Variants in DBNDD2 observed in about 807,000 individuals in gnomAD.
DBNDD2 encodes the protein dysbindin domain containing 2.
DBNDD2 carries 8 observed loss-of-function variants against 14.0 expected under a neutral mutation model. The ratio of observed to expected loss-of-function variants is 0.57; its 90% CI spans 0.33 to 1.03. The LOEUF (loss-of-function observed/expected upper bound fraction) is 1.03, where lower values mean the gene tolerates loss of function less well. Ranked by LOEUF, DBNDD2 falls within the 50% of genes least tolerant of loss-of-function variation. The probability of loss-of-function intolerance (pLI) is 0.03; values close to 1 mark genes in which losing one functional copy is unlikely to be tolerated. For missense variants in DBNDD2, 194 were observed against 206.0 expected, an observed-to-expected ratio of 0.94 and a Z score of 0.36; for synonymous variants, 94 against 85.3, an observed-to-expected ratio of 1.10 and a Z score of -0.56.
chr20:45,407,341 G>A (rs1301469987), upstream of DBNDD2: 7 of 985,752 alleles, frequency 7.1e-6, no homozygotes, highest in Non-Finnish European at 8.4e-6. Context: ...AGTCGGGGTT[G>A]GGTCCCTCTC....
rs753562292 is a variant in DBNDD2, at chr20:45,410,081, C to A, written c.427C>A (p.Gln143Lys). 1.4e-5 allele frequency: 22 copies of A among 1,554,652 alleles called. No homozygotes were observed. In the South Asian group the frequency reaches 1.9e-4, roughly 13 times the overall value. The change falls in exon 3 of 3, where the codon CAG becomes AAG. Residue 143 changes from glutamine (Q) to lysine (K), a missense_variant. Transcript: ENST00000372710. ...TGATGGAGCAGATACGCCCTTGGCACAGTCGGATGAAGAGGAGGAAAGGGG... is the reference window on the plus strand; with the variant it reads ...TGATGGAGCAGATACGCCCTTGGCAAAGTCGGATGAAGAGGAGGAAAGGGG... ...SDDGADTPLA[Q>K]SDEEEERGDG...
rs188002910 is a variant in DBNDD2, at chr20:45,408,498, C to T, written c.31C>T (p.Arg11Cys). The change falls in exon 1 of 3, where the codon CGC (arginine) becomes TGC (cysteine). Residue 11 changes from arginine to cysteine, a missense_variant. By Grantham distance (180) the Arg-to-Cys change is radical. Coordinates refer to ENST00000372710, the MANE Select transcript of DBNDD2 (RefSeq NM_001048225.4). MDPNPRAALE[R>C]QQLRLRERQK... ...CCCAAATCCTCGGGCCGCCCTGGAGCGCCAGCAGCTCCGCCTTCGGGAGCG... is the reference window on the plus strand; with the variant it reads ...CCCAAATCCTCGGGCCGCCCTGGAGTGCCAGCAGCTCCGCCTTCGGGAGCG... The T allele has an allele frequency of 1.2e-4, 189 of 1,614,260 alleles. 2 individuals are homozygous for T. In the Middle Eastern group the frequency reaches 1.3e-3, roughly 11 times the overall value.
Position 45,408,933 on chromosome 20 carries a change from C to A in DBNDD2, c.272C>A (p.Ser91Ter). 1 of 1,614,200 alleles carries A rather than the reference C, an allele frequency of 6.2e-7. No homozygotes were observed. Among genetic ancestry groups the A allele is most frequent in the Non-Finnish European group, 8.5e-7 (1 of 1,180,046 alleles). The change falls in exon 2 of 3, where the codon TCG (serine) becomes TAG (stop). Residue 91 changes from serine to a stop codon, truncating the protein, a stop_gained. Transcript: ENST00000372710. LOFTEE classifies it high-confidence loss of function. ...GAAGATCCTCCACCAACCCCCCAGT[C>A]GTCTGGTATGCCCCTCTGCTTTGGG... ...PCEDPPPTPQ[S>*]SGMDNHLEEL... is the part of the protein sequence containing the mutation.
chr20:45,410,487 C>T lies in DBNDD2; in HGVS notation c.*347C>T, dbSNP rs1989785067. The T allele has an allele frequency of 3.4e-6, 1 of 296,718 alleles. No individual in the cohort carries two copies. The highest frequency in any genetic ancestry group is 6.6e-6 in the Non-Finnish European group (1 of 152,074). The allele number at this position is 296,718 out of a possible 1,614,324, so 18.4% of individuals were successfully genotyped here. ...CTAATACAGTCTCTCAGACAAGTGT[C>T]TCTAGATGGATGTGAACTCCTTAAC... is the stretch of plus-strand genomic sequence containing the variant. On this transcript the variant is annotated 3_prime_UTR_variant, in exon 3 of 3. Transcript: ENST00000372710.
In DBNDD2 at chr20:45,408,530, ATTC is replaced by A; in HGVS notation, c.67_69del (p.Phe23del). 6.2e-7 allele frequency: 1 copy of A among 1,614,228 alleles called. No individual in the cohort carries two copies. The highest frequency in any genetic ancestry group is 8.5e-7 in the Non-Finnish European group (1 of 1,180,046). Reference sequence around the variant, plus strand: ...AGCTCCGCCTTCGGGAGCGGCAAAAATTCTTCGAGGACATTTTACAGCCAGAGA... The same window carrying A: ...AGCTCCGCCTTCGGGAGCGGCAAAAATTCGAGGACATTTTACAGCCAGAGA... On this transcript the variant is annotated inframe_deletion, in exon 1 of 3. Coordinates refer to ENST00000372710, the MANE Select transcript of DBNDD2 (RefSeq NM_001048225.4).
chr20:45,406,353 CG>C, upstream of DBNDD2: 1 of 1,166,512 alleles, frequency 8.6e-7, no homozygotes, highest in Non-Finnish European at 1.2e-6. Flanking sequence ...CTGCGCGGGG[CG>C]GGGGCGCAGC....
upstream of DBNDD2, chr20:45,406,482 G>C (rs1430259110): frequency 6.5e-7 from 1 of 1,528,282 alleles, no homozygotes; most frequent in Non-Finnish European, 8.8e-7. Flanking sequence ...GACCGCCTTG[G>C]AAGTACCAGT....
chr20:45,408,017 G>C, upstream of DBNDD2: 1 of 1,431,288 alleles, frequency 7.0e-7, no homozygotes, highest in Non-Finnish European at 9.1e-7. Flanking sequence ...AGCACTGGAG[G>C]AAGGGAACCC....
Position 45,408,357 on chromosome 20 carries a change from C to G in DBNDD2, c.-111C>G. 6.2e-7 allele frequency: 1 copy of G among 1,612,088 alleles called. No individual in the cohort carries two copies. The highest frequency in any genetic ancestry group is 2.2e-5 in the East Asian group (1 of 44,824). On this transcript the variant is annotated 5_prime_UTR_variant, in exon 1 of 3. Coordinates refer to ENST00000372710, the MANE Select transcript of DBNDD2 (RefSeq NM_001048225.4). Reference sequence around the variant, plus strand: ...GGTGTCCAGGCCGGAGCCAGGGGCCCCACTGTTGGGATGCTGGCTGCAGTG... The same window carrying G: ...GGTGTCCAGGCCGGAGCCAGGGGCCGCACTGTTGGGATGCTGGCTGCAGTG...
intron 2 of DBNDD2, among the ~76,000 whole-genome samples, 178 bp from the exon 3 acceptor site, chr20:45,409,754 G>A (rs571065417): frequency 2.0e-5 from 3 of 152,334 alleles, no homozygotes; most frequent in South Asian, 2.1e-4. Flanking sequence ...GTGTAATGAC[G>A]TGGAAGGAGC....
chr20:45,407,660 G>C, upstream of DBNDD2: 1 of 990,724 alleles, frequency 1.0e-6, no homozygotes, highest in Non-Finnish European at 1.2e-6. Context: ...CTAATGGGGA[G>C]ATAAGTCAGT....
At chr20:45,406,027 T>G, upstream of DBNDD2, 1 of 156,490 alleles carries the variant, frequency 6.4e-6, no homozygotes, top group Non-Finnish European at 1.4e-5. Flanking sequence ...GCTTGGTAGG[T>G]TGGGCGGCGG....
chr20:45,410,039 A>G lies in DBNDD2; in HGVS notation c.385A>G (p.Ser129Gly), dbSNP rs1447053357. 1.9e-5 allele frequency: 30 copies of G among 1,553,234 alleles called. No individual in the cohort carries two copies. The highest frequency in any genetic ancestry group is 2.6e-5 in the Non-Finnish European group (30 of 1,147,724). ...CTCCGACTCCTCCACCAACCTGCAT[A>G]GCCCAAATCCAAGTGATGATGGAGC... is the stretch of plus-strand genomic sequence containing the variant. ...SSSDSSTNLH[S>G]PNPSDDGADT... Residue 129 changes from serine (S) to glycine (G), a missense_variant, in exon 3 of 3, where the codon AGC becomes GGC. By Grantham distance (56) the Ser-to-Gly change is moderately conservative (BLOSUM62 0). Coordinates refer to ENST00000372710, the MANE Select transcript of DBNDD2 (RefSeq NM_001048225.4).
chr20:45,406,827 C>A (rs1168380679), upstream of DBNDD2: 3 of 1,213,838 alleles, frequency 2.5e-6, no homozygotes, highest in South Asian at 7.8e-5. Flanking sequence ...CGCCCTCCCC[C>A]CGTCCTCCGC....
At chr20:45,406,429 C>G, upstream of DBNDD2, 2 of 1,520,370 alleles carry the variant, frequency 1.3e-6, no homozygotes, top group African/African-American at 2.9e-5. Context: ...GCAGAGGAGT[C>G]CGGCTGGGCG....
chr20:45,407,289 G>A (rs776268230), upstream of DBNDD2: 3 of 985,248 alleles, frequency 3.0e-6, no homozygotes, highest in Non-Finnish European at 3.6e-6. Context: ...GCCAGCCCGC[G>A]GCCGCACGGT....
chr20:45,409,079 C>T (rs751095183), intron 2 of DBNDD2, 141 bp downstream of exon 2: 35 of 1,558,656 alleles, frequency 2.2e-5, no homozygotes, highest in Non-Finnish European at 3.1e-5. Context: ...AAACAGCTGC[C>T]TGTTCTGATT....
chr20:45,409,004 G>A lies in DBNDD2; in HGVS notation c.277+66G>A, dbSNP rs184405993. The A allele has an allele frequency of 2.2e-4, 363 of 1,613,898 alleles. No individual in the cohort carries two copies. The East Asian group carries it at 5.7e-3, about 25-fold the overall frequency. ...AGAGCCGGATGTCAGGCTCTGAAACGAGGCTACAAGGCTGGGCTGGGGAAG... is the reference window on the plus strand; with the variant it reads ...AGAGCCGGATGTCAGGCTCTGAAACAAGGCTACAAGGCTGGGCTGGGGAAG... On this transcript the variant is annotated intron_variant, in intron 2 of 2. Coordinates refer to ENST00000372710, the MANE Select transcript of DBNDD2 (RefSeq NM_001048225.4).
At chr20:45,406,590 C>T (rs573669747), upstream of DBNDD2, 24 of 1,456,240 alleles carry the variant, frequency 1.6e-5, no homozygotes, top group Non-Finnish European at 1.8e-5. Context: ...GCCTCTTCCT[C>T]GTTCCCGGCT....
Sources: gnomAD v4.1 joint callset for allele counts (sites outside exome capture counted in the v4.1 genomes callset) on GRCh38, gnomAD v4.1.1 for gene constraint, MANE v1.5 for transcripts, NCBI Gene and HGNC (gene_info 2026-07-23, HGNC 2026-07-21) for gene names.